Variants in TMEM108 observed in about 807,000 individuals in gnomAD.
The protein encoded by TMEM108 is cancer/testis antigen 124.
TMEM108 carries 12 observed loss-of-function variants against 35.1 expected under a neutral mutation model. That is an observed-to-expected ratio of 0.34 (90% CI 0.22 to 0.55). The LOEUF is 0.55. TMEM108 is among the 20% of genes least tolerant of loss of function. The probability of loss-of-function intolerance (pLI) is 0.89; values close to 1 mark genes in which losing one functional copy is unlikely to be tolerated. For synonymous variants in TMEM108, 287 were observed against 308.6 expected, an observed-to-expected ratio of 0.93 and a Z score of 0.73; for missense variants, 680 against 753.3, an observed-to-expected ratio of 0.90 and a Z score of 1.14.
At chr3:133,235,692 C>T (rs1159698101) in intron 3 of TMEM108, among the ~76,000 whole-genome samples, 2 of 152,152 alleles carry the variant, frequency 1.3e-5, no homozygotes, top group South Asian at 4.1e-4. Context: ...TAAGGACAAT[C>T]TAACCAGGAG....
At chr3:133,090,097 C>T (rs1943930148) in intron 2 of TMEM108, among the ~76,000 whole-genome samples, 1 of 152,168 alleles carries the variant, frequency 6.6e-6, no homozygotes, top group African/African-American at 2.4e-5. Context: ...AGGCATGTTA[C>T]TGAAACCCTG....
chr3:133,339,486 C>A (rs912318309), intron 3 of TMEM108, among the ~76,000 whole-genome samples: 6 of 151,750 alleles, frequency 4.0e-5, no homozygotes, highest in African/African-American at 7.2e-5. Flanking sequence ...AAGAAAGTGA[C>A]CCCAATACAA....
chr3:133,093,135 G>GT (rs1232937490), intron 2 of TMEM108, among the ~76,000 whole-genome samples: 1 of 152,056 alleles, frequency 6.6e-6, no homozygotes, highest in African/African-American at 2.4e-5. Flanking sequence ...GGCTACAGGA[G>GT]TGTGCCACCA....
At chr3:133,351,736 C>G (rs2072004644) in intron 3 of TMEM108, among the ~76,000 whole-genome samples, 1 of 152,138 alleles carries the variant, frequency 6.6e-6, no homozygotes, top group Non-Finnish European at 1.5e-5. Flanking sequence ...ACAAAGTGAT[C>G]AAGATCACAC....
intron 5 of TMEM108, among the ~76,000 whole-genome samples, chr3:133,394,441 C>T (rs1429934397): frequency 1.3e-5 from 2 of 152,138 alleles, no homozygotes; most frequent in Non-Finnish European, 2.9e-5. Context: ...TCCCTGTTTT[C>T]TCTTCTTCCT....
intron 3 of TMEM108, among the ~76,000 whole-genome samples, chr3:133,261,026 G>A (rs1946615817): frequency 6.6e-6 from 1 of 152,178 alleles, no homozygotes; most frequent in African/African-American, 2.4e-5. Context: ...GAGATAATGA[G>A]CTTTTTGTGA....
At chr3:133,333,461 G>A (rs1339081840) in intron 3 of TMEM108, among the ~76,000 whole-genome samples, 1 of 151,998 alleles carries the variant, frequency 6.6e-6, no homozygotes, top group Non-Finnish European at 1.5e-5. Context: ...GGACACAGAG[G>A]CCCAAAGAAA....
Position 133,233,600 on chromosome 3 carries a change from C to T in TMEM108, c.40+4249C>T, listed in dbSNP as rs1332030007. ...ACATGGTATTTCTAGTTCTAGATCCCTGAGGAATTGCCACACTGACTTCCA... is the reference window on the plus strand; with the variant it reads ...ACATGGTATTTCTAGTTCTAGATCCTTGAGGAATTGCCACACTGACTTCCA... On this transcript the variant is annotated intron_variant, in intron 3 of 5. Coordinates refer to ENST00000321871, the MANE Select transcript of TMEM108 (RefSeq NM_023943.4). Among the ~76,000 whole-genome samples the T allele has an allele frequency of 2.6e-5, 4 of 151,610 alleles. No individual in the cohort carries two copies. In the East Asian group the frequency reaches 5.8e-4, roughly 22 times the overall value.
chr3:133,092,887 A>G (rs766452254), intron 2 of TMEM108, among the ~76,000 whole-genome samples: 15 of 152,206 alleles, frequency 9.9e-5, no homozygotes, highest in Non-Finnish European at 1.8e-4. Flanking sequence ...AAGCTGTGTA[A>G]TCATCTAAAA....
chr3:133,206,178 TATTCC>T (rs1945750995), intron 2 of TMEM108, among the ~76,000 whole-genome samples: 1 of 152,242 alleles, frequency 6.6e-6, no homozygotes, highest in Admixed American at 6.5e-5. Flanking sequence ...CTAAACTGGT[TATTCC>T]AGTTAACAAT....
chr3:133,315,836 A>G (rs2071192091), intron 3 of TMEM108, among the ~76,000 whole-genome samples: 1 of 152,252 alleles, frequency 6.6e-6, no homozygotes, highest in African/African-American at 2.4e-5. Flanking sequence ...TTTATTTTAT[A>G]TTATAGATTA....
chr3:133,042,613 T>C (rs1943288429), intron 1 of TMEM108, among the ~76,000 whole-genome samples: 1 of 152,244 alleles, frequency 6.6e-6, no homozygotes, highest in African/African-American at 2.4e-5. Flanking sequence ...AAAAGAAGTC[T>C]TGCTAATGTT....
intron 3 of TMEM108, among the ~76,000 whole-genome samples, chr3:133,340,490 A>G (rs1352780489): frequency 6.6e-6 from 1 of 151,698 alleles, no homozygotes; most frequent in Admixed American, 6.6e-5. Context: ...CCAAACATTT[A>G]AAGAACAACT....
At chr3:133,366,880 G>A (rs963901283) in intron 3 of TMEM108, among the ~76,000 whole-genome samples, 7 of 152,192 alleles carry the variant, frequency 4.6e-5, no homozygotes, top group African/African-American at 1.7e-4. Flanking sequence ...TCAACAGGCT[G>A]AAAAAGAGAC....
chr3:133,116,579 A>C (rs1051715059), intron 2 of TMEM108, among the ~76,000 whole-genome samples: 1 of 152,064 alleles, frequency 6.6e-6, no homozygotes, highest in Admixed American at 6.6e-5. Context: ...AGTTATCTCT[A>C]AGATGCCTTC....
At chr3:133,051,169 CA>C (rs1197950981) in intron 2 of TMEM108, among the ~76,000 whole-genome samples, 1 of 152,044 alleles carries the variant, frequency 6.6e-6, no homozygotes, top group Non-Finnish European at 1.5e-5. Flanking sequence ...TCCTTGCAAG[CA>C]TTTGGTATTG....
intron 2 of TMEM108, among the ~76,000 whole-genome samples, chr3:133,091,836 T>C (rs551389802): frequency 1.3e-5 from 2 of 151,346 alleles, no homozygotes; most frequent in East Asian, 3.9e-4. Flanking sequence ...GAAATATTTC[T>C]CTGATTTGAG....
chr3:133,156,450 TTGTACCACAATA>T (rs1296013268), intron 2 of TMEM108, among the ~76,000 whole-genome samples: 11 of 152,190 alleles, frequency 7.2e-5, no homozygotes, highest in Non-Finnish European at 1.6e-4. Flanking sequence ...GAGCAAAGAT[TTGTACCACAATA>T]GCCTTTTAAC....
intron 2 of TMEM108, chr3:133,125,202 G>T (rs1022737956): frequency 4.6e-5 from 7 of 152,106 alleles, no homozygotes; most frequent in Non-Finnish European, 8.8e-5. Context: ...CTTTATTTTA[G>T]CTCTTAAGGT....
Sources: allele counts gnomAD v4.1 joint callset (sites outside exome capture counted in the v4.1 genomes callset), GRCh38; gene constraint gnomAD v4.1.1; transcripts MANE v1.5; gene names NCBI Gene and HGNC (gene_info 2026-07-23, HGNC 2026-07-21).